The following RBFOX1 variants were observed in gnomAD, a reference collection of about 807,000 sequenced individuals.
RBFOX1 encodes the protein RNA binding fox-1 homolog 1.
In RBFOX1, 8 loss-of-function variants were observed where a neutral mutation model predicts 57.7. The ratio of observed to expected loss-of-function variants is 0.14; its 90% CI spans 0.08 to 0.25. The LOEUF is 0.25. Ranked by LOEUF, RBFOX1 falls within the 10% of genes least tolerant of loss-of-function variation. The pLI is 1.00. For missense variants in RBFOX1, 611 were observed against 548.5 expected, an observed-to-expected ratio of 1.11 and a Z score of -1.14; for synonymous variants, 326 against 222.4, an observed-to-expected ratio of 1.47 and a Z score of -4.15.
At chr16:5,413,970 C>G (rs1186416299) in intron 1 of RBFOX1, among the ~76,000 whole-genome samples, 1 of 152,124 alleles carries the variant, frequency 6.6e-6, no homozygotes, top group African/African-American at 2.4e-5. Context: ...GCCTGCTCAT[C>G]CATTTTACAG....
chr16:7,303,736 C>G (rs2096090940), intron 4 of RBFOX1, among the ~76,000 whole-genome samples: 1 of 151,808 alleles, frequency 6.6e-6, no homozygotes, highest in Non-Finnish European at 1.5e-5. Context: ...CTTTCAATCT[C>G]TCTCTCTCTT....
chr16:7,052,166 T>A, intron 4 of RBFOX1, 68 bp downstream of exon 4: 3 of 1,561,916 alleles, frequency 1.9e-6, no homozygotes, highest in Non-Finnish European at 2.6e-6. Flanking sequence ...AATTTCCTTG[T>A]CTCTCCCAAG....
At chr16:7,082,254 A>G (rs755543019) in intron 4 of RBFOX1, among the ~76,000 whole-genome samples, 4 of 152,082 alleles carry the variant, frequency 2.6e-5, no homozygotes, top group African/African-American at 9.7e-5. Context: ...TACAGAATAC[A>G]TTGTCAAGTG....
At chr16:6,331,568 ATG>A (rs200158384) in intron 2 of RBFOX1, among the ~76,000 whole-genome samples, 86 of 145,420 alleles carry the variant, frequency 5.9e-4, no homozygotes, top group Middle Eastern at 3.6e-3. Flanking sequence ...TGTATATAAT[ATG>A]TGTGTGTGTA....
intron 4 of RBFOX1, among the ~76,000 whole-genome samples, chr16:7,193,166 G>C (rs1172937534): frequency 6.6e-6 from 1 of 152,164 alleles, no homozygotes; most frequent in African/African-American, 2.4e-5. Flanking sequence ...GGATCCAATA[G>C]GATTACATAG....
intron 4 of RBFOX1, among the ~76,000 whole-genome samples, chr16:5,995,236 G>A (rs898120545): frequency 6.6e-6 from 1 of 152,124 alleles, no homozygotes; most frequent in Non-Finnish European, 1.5e-5. Context: ...GCAATATTCT[G>A]TGGGAAAGCA....
intron 3 of RBFOX1, among the ~76,000 whole-genome samples, chr16:5,641,072 TACAC>T (rs538058958): frequency 1.3e-4 from 18 of 141,548 alleles, no homozygotes; most frequent in East Asian, 6.6e-4. Context: ...ATGCACACCA[TACAC>T]ACACACACAT....
chr16:6,630,951 T>G (rs1243487212), intron 2 of RBFOX1, among the ~76,000 whole-genome samples: 2 of 152,092 alleles, frequency 1.3e-5, no homozygotes, highest in Non-Finnish European at 2.9e-5. Flanking sequence ...TTAAAGTACC[T>G]TATTGAATGC....
At chr16:7,237,195 C>A (rs775854963) in intron 4 of RBFOX1, among the ~76,000 whole-genome samples, 2 of 152,166 alleles carry the variant, frequency 1.3e-5, no homozygotes, top group African/African-American at 4.8e-5. Context: ...AAATAACTTC[C>A]CTTGCCTGGC....
chr16:6,497,917 T>A (rs2095816462), intron 2 of RBFOX1, among the ~76,000 whole-genome samples: 1 of 152,032 alleles, frequency 6.6e-6, no homozygotes, highest in African/African-American at 2.4e-5. Flanking sequence ...TTCAATCATA[T>A]TTATAAATAA....
At chr16:6,163,956 T>C (rs78585246) in intron 1 of RBFOX1, among the ~76,000 whole-genome samples, 5,198 of 152,302 alleles carry the variant, frequency 0.034, 320 homozygotes, top group African/African-American at 0.12. Context: ...GGGATACATA[T>C]AGTAAGGTGG....
chr16:7,195,978 A>G (rs1475202580), intron 4 of RBFOX1, among the ~76,000 whole-genome samples: 1 of 152,088 alleles, frequency 6.6e-6, no homozygotes, highest in Non-Finnish European at 1.5e-5. Flanking sequence ...ATTTGTGGCA[A>G]GATCTAAGGA....
chr16:7,142,568 G>C (rs536087420), intron 4 of RBFOX1, among the ~76,000 whole-genome samples: 1 of 152,264 alleles, frequency 6.6e-6, no homozygotes, highest in East Asian at 1.9e-4. Flanking sequence ...CCATTGGGCT[G>C]TGCCTCAATA....
intron 2 of RBFOX1, among the ~76,000 whole-genome samples, chr16:6,624,503 C>A (rs149883296): frequency 2.4e-3 from 361 of 152,200 alleles, no homozygotes; most frequent in African/African-American, 8.1e-3. Flanking sequence ...ACAGAACATA[C>A]CAGTTTCCAC....
intron 4 of RBFOX1, among the ~76,000 whole-genome samples, chr16:7,243,163 A>T (rs2094145285): frequency 6.6e-6 from 1 of 152,178 alleles, no homozygotes; most frequent in Non-Finnish European, 1.5e-5. Context: ...CCAGTATTAA[A>T]TCAGAAAGTG....
intron 14 of RBFOX1, among the ~76,000 whole-genome samples, chr16:7,686,550 T>C (rs190603398): frequency 2.6e-5 from 4 of 152,104 alleles, no homozygotes; most frequent in African/African-American, 9.6e-5. Context: ...AGAAAGAGAC[T>C]TTCCTTTAGG....
At chr16:7,087,359 A>G (rs2060148120) in intron 4 of RBFOX1, among the ~76,000 whole-genome samples, 1 of 152,134 alleles carries the variant, frequency 6.6e-6, no homozygotes, top group African/African-American at 2.4e-5. Context: ...GAAATGGTGT[A>G]GTGCCTGTCT....
Position 6,474,389 on chromosome 16 carries a change from G to A in RBFOX1, c.-64+157332G>A, listed in dbSNP as rs553291223. On this transcript the variant is annotated intron_variant, in intron 2 of 15. Transcript: ENST00000550418. ...CTCTTTTCCTGTCAGTCGCCCAAAC[G>A]GGAGCCAAAGGCTTTTGAGGAGGCA... 4.9e-4 allele frequency among the ~76,000 whole-genome samples: 74 copies of A among 152,156 alleles called. 1 individual carries two copies. The highest frequency in any genetic ancestry group is 4.1e-4 in the Non-Finnish European group (28 of 68,032).
chr16:5,288,071 A>G (rs898468381), intron 1 of RBFOX1, among the ~76,000 whole-genome samples: 9 of 152,190 alleles, frequency 5.9e-5, no homozygotes, highest in African/African-American at 2.2e-4. Flanking sequence ...GTAATTGTGT[A>G]CGGCCGACTC....
Sources: allele counts gnomAD v4.1 joint callset (sites outside exome capture counted in the v4.1 genomes callset), GRCh38; gene constraint gnomAD v4.1.1; transcripts MANE v1.5; gene names NCBI Gene and HGNC (gene_info 2026-07-23, HGNC 2026-07-21).